The following ADGRL2 variants were observed in gnomAD, a reference collection of about 807,000 sequenced individuals.
ADGRL2 encodes adhesion G protein-coupled receptor L2, also known as calcium-independent alpha-latrotoxin receptor 2.
ADGRL2 carries 44 observed loss-of-function variants against 157.4 expected under a neutral mutation model. The ratio of observed to expected loss-of-function variants is 0.28; its 90% CI spans 0.22 to 0.36. ADGRL2 has a LOEUF of 0.36. Ranked by LOEUF, ADGRL2 falls within the 10% of genes least tolerant of loss-of-function variation. The probability of loss-of-function intolerance (pLI) is 1.00; values close to 1 mark genes in which losing one functional copy is unlikely to be tolerated. For synonymous variants in ADGRL2, 585 were observed against 624.7 expected, an observed-to-expected ratio of 0.94 and a Z score of 0.95; for missense variants, 1,510 against 1,768.9, an observed-to-expected ratio of 0.85 and a Z score of 2.63.
At chr1:81,896,646 G>A (rs1372400938) in intron 2 of ADGRL2, among the ~76,000 whole-genome samples, 1 of 152,018 alleles carries the variant, frequency 6.6e-6, no homozygotes, top group Non-Finnish European at 1.5e-5. Flanking sequence ...TCTTGAGTAT[G>A]TTTAACATCT....
intron 23 of ADGRL2, chr1:81,988,307 T>G (rs556601408): frequency 5.9e-5 from 9 of 152,322 alleles, no homozygotes; most frequent in African/African-American, 2.2e-4. Flanking sequence ...CTGCAGTATA[T>G]CATAGAAAAG....
chr1:81,687,991 AG>A (rs2083263584), intron 3 of ADGRL2, among the ~76,000 whole-genome samples: 1 of 152,190 alleles, frequency 6.6e-6, no homozygotes, highest in African/African-American at 2.4e-5. Context: ...GGCTGAAGAT[AG>A]GGCCCCCAAT....
intron 3 of ADGRL2, among the ~76,000 whole-genome samples, chr1:81,657,146 C>A (rs374506185): frequency 6.6e-6 from 1 of 152,048 alleles, no homozygotes; most frequent in Non-Finnish European, 1.5e-5. Flanking sequence ...ATATTTGTGT[C>A]CTTCCAAAAC....
intron 2 of ADGRL2, among the ~76,000 whole-genome samples, chr1:81,458,021 T>C (rs1201557968): frequency 6.6e-6 from 1 of 152,224 alleles, no homozygotes. Flanking sequence ...TTCACTTGTA[T>C]TGAATTCTCA....
intron 2 of ADGRL2, among the ~76,000 whole-genome samples, chr1:81,561,677 C>T (rs2080446420): frequency 6.6e-6 from 1 of 152,028 alleles, no homozygotes; most frequent in African/African-American, 2.4e-5. Flanking sequence ...CCAGGCTGGT[C>T]TTGAACTCCT....
At chr1:81,354,605 T>A (rs1456727667) in intron 1 of ADGRL2, among the ~76,000 whole-genome samples, 2 of 152,158 alleles carry the variant, frequency 1.3e-5, no homozygotes, top group Non-Finnish European at 2.9e-5. Flanking sequence ...ATCCACATCA[T>A]AAAGCCTACC....
chr1:81,525,489 T>G (rs1040533233), intron 2 of ADGRL2, among the ~76,000 whole-genome samples: 6 of 152,094 alleles, frequency 3.9e-5, no homozygotes, highest in African/African-American at 1.2e-4. Flanking sequence ...AGATAATTTG[T>G]GTATTTCTAG....
At chr1:81,946,127 C>T (rs1649735110) in intron 6 of ADGRL2, among the ~76,000 whole-genome samples, 2 of 152,170 alleles carry the variant, frequency 1.3e-5, no homozygotes, top group African/African-American at 2.4e-5. Flanking sequence ...TGCTGAAATT[C>T]GTAGTTCAGG....
intron 3 of ADGRL2, among the ~76,000 whole-genome samples, chr1:81,659,689 G>A (rs893626131): frequency 2.6e-5 from 4 of 152,138 alleles, no homozygotes; most frequent in African/African-American, 7.2e-5. Context: ...TTAATGACTC[G>A]TAGATGGCTG....
At chr1:81,503,291 G>A (rs1042099821) in intron 2 of ADGRL2, 26 of 1,614,166 alleles carry the variant, frequency 1.6e-5, no homozygotes, top group South Asian at 4.4e-5. Context: ...GACATCGATG[G>A]CACCACCTAC....
At chr1:81,355,231 T>C (rs1473134735) in intron 1 of ADGRL2, among the ~76,000 whole-genome samples, 1 of 152,120 alleles carries the variant, frequency 6.6e-6, no homozygotes, top group African/African-American at 2.4e-5. Context: ...TGGTGGCATG[T>C]GCCTGTAGTC....
At chr1:81,499,923 A>G (rs2078809531) in intron 2 of ADGRL2, among the ~76,000 whole-genome samples, 2 of 151,398 alleles carry the variant, frequency 1.3e-5, no homozygotes, top group African/African-American at 4.9e-5. Flanking sequence ...ATCTCCATTT[A>G]TAAATATATA....
intron 2 of ADGRL2, among the ~76,000 whole-genome samples, chr1:81,893,893 A>G (rs2094324623): frequency 6.6e-6 from 1 of 152,212 alleles, no homozygotes; most frequent in South Asian, 2.1e-4. Flanking sequence ...TTTCATTAAA[A>G]ATTGAACAAA....
At chr1:81,355,242 C>T (rs904160582) in intron 1 of ADGRL2, among the ~76,000 whole-genome samples, 2 of 151,960 alleles carry the variant, frequency 1.3e-5, no homozygotes, top group African/African-American at 4.8e-5. Flanking sequence ...GCCTGTAGTC[C>T]CAGCTACTCG....
chr1:81,965,980 A>G (rs764532929), intron 11 of ADGRL2, 78 bp from the exon 12 acceptor site: 13 of 1,413,576 alleles, frequency 9.2e-6, no homozygotes, highest in Non-Finnish European at 1.3e-5. Context: ...TAGTTTCCAT[A>G]CAGTTATCAT....
At chr1:81,942,185 A>C (rs898233331) in intron 5 of ADGRL2, 140 bp downstream of exon 5, 1 of 456,454 alleles carries the variant, frequency 2.2e-6, no homozygotes, top group African/African-American at 2.0e-5. Flanking sequence ...AAGGAAGTCA[A>C]CTGTTTACAA....
chr1:81,322,163 C>T (rs1447635155), intron 1 of ADGRL2, among the ~76,000 whole-genome samples: 1 of 145,498 alleles, frequency 6.9e-6, no homozygotes, highest in Non-Finnish European at 1.5e-5. Flanking sequence ...TACATACACA[C>T]ATATGTACAT....
chr1:81,740,437 T>C (rs2085037110), intron 1 of ADGRL2, among the ~76,000 whole-genome samples: 1 of 152,208 alleles, frequency 6.6e-6, no homozygotes. Context: ...TTAACAAATA[T>C]AGCTTAAAAC....
intron 1 of ADGRL2, among the ~76,000 whole-genome samples, chr1:81,312,221 G>C (rs1339900017): frequency 6.6e-6 from 1 of 152,196 alleles, no homozygotes; most frequent in East Asian, 1.9e-4. Context: ...TACAGAAAGA[G>C]TTTACAACCA....
Sources: allele counts gnomAD v4.1 joint callset (sites outside exome capture counted in the v4.1 genomes callset), GRCh38; gene constraint gnomAD v4.1.1; transcripts MANE v1.5; gene names NCBI Gene and HGNC (gene_info 2026-07-23, HGNC 2026-07-21).